Variants in EPHA6 observed in about 807,000 individuals in gnomAD.
The protein encoded by EPHA6 is ephrin type-A receptor 6.
Under a neutral mutation model 112.0 loss-of-function variants are expected in EPHA6, and 50 were observed. The ratio of observed to expected loss-of-function variants is 0.45; its 90% CI spans 0.36 to 0.56. EPHA6 has a LOEUF of 0.56. Among genes scored for constraint, EPHA6 ranks in the 20% least tolerant of loss-of-function variants. EPHA6 has a pLI of 0.00. For missense variants in EPHA6, 1,280 were observed against 1,417.4 expected (o/e 0.90, Z 1.56); for synonymous variants, 529 against 490.7 (o/e 1.08, Z -1.03).
intron 3 of EPHA6, among the ~76,000 whole-genome samples, chr3:97,160,897 C>A (rs766327854): frequency 4.6e-5 from 7 of 152,090 alleles, no homozygotes; most frequent in African/African-American, 9.7e-5. Context: ...ACAGGACCAT[C>A]TATAAATCAG....
chr3:96,870,572 T>C (rs1369879449), intron 2 of EPHA6, among the ~76,000 whole-genome samples: 9 of 152,118 alleles, frequency 5.9e-5, no homozygotes, highest in Non-Finnish European at 1.0e-4. Context: ...TATCTGGAAA[T>C]AATGTTTTAG....
chr3:97,267,836 G>C (rs185792327), intron 5 of EPHA6, among the ~76,000 whole-genome samples: 1 of 152,170 alleles, frequency 6.6e-6, no homozygotes, highest in Admixed American at 6.5e-5. Context: ...CTGAGCAGTA[G>C]ACATTTCCAC....
At chr3:97,326,940 A>G (rs2082458048) in intron 5 of EPHA6, among the ~76,000 whole-genome samples, 1 of 152,078 alleles carries the variant, frequency 6.6e-6, no homozygotes, top group African/African-American at 2.4e-5. Context: ...TATGAATTCC[A>G]AAAGGAGCTT....
chr3:97,244,028 T>C lies in EPHA6; in HGVS notation c.1347T>C (p.Ser449=). The change falls in exon 5 of 18, where the codon AGT becomes AGC. Residue 449 remains serine, a synonymous_variant. Coordinates refer to ENST00000389672, the MANE Select transcript of EPHA6 (RefSeq NM_001080448.3). Reference sequence around the variant, plus strand: ...TTATTTTGGAATGGAGCCCACCAAGTGACACAGGAGGGAGAAAAGATCTCA... The same window carrying C: ...TTATTTTGGAATGGAGCCCACCAAGCGACACAGGAGGGAGAAAAGATCTCA... The part of the protein sequence containing the change: ...TALILEWSPP[S]DTGGRKDLTY... The C allele has an allele frequency of 6.2e-7, 1 of 1,612,552 alleles. No homozygotes were observed. The highest frequency in any genetic ancestry group is 1.3e-5 in the African/African-American group (1 of 74,928).
intron 5 of EPHA6, among the ~76,000 whole-genome samples, chr3:97,359,572 TTTTG>T (rs1345443605): frequency 1.3e-5 from 2 of 152,088 alleles, no homozygotes; most frequent in African/African-American, 2.4e-5. Flanking sequence ...CAGGGACAGT[TTTTG>T]TTGTTGTTTT....
intron 3 of EPHA6, among the ~76,000 whole-genome samples, chr3:97,110,006 G>T (rs1040037675): frequency 6.6e-6 from 1 of 152,032 alleles, no homozygotes; most frequent in Non-Finnish European, 1.5e-5. Flanking sequence ...AAATGAGAAT[G>T]AAAAGAGGTA....
chr3:96,884,694 C>T (rs2037520798), intron 2 of EPHA6, among the ~76,000 whole-genome samples: 1 of 152,136 alleles, frequency 6.6e-6, no homozygotes, highest in African/African-American at 2.4e-5. Context: ...TTCTTCTTTA[C>T]CGATTTGGAT....
At chr3:97,526,024 A>C (rs2092614795) in intron 10 of EPHA6, among the ~76,000 whole-genome samples, 1 of 152,276 alleles carries the variant, frequency 6.6e-6, no homozygotes, top group South Asian at 2.1e-4. Flanking sequence ...CTGAGACATA[A>C]GATTGTTTCA....
chr3:97,636,644 A>G (rs1310971903), intron 13 of EPHA6, among the ~76,000 whole-genome samples: 1 of 152,140 alleles, frequency 6.6e-6, no homozygotes, highest in East Asian at 1.9e-4. Context: ...TACCTGAACA[A>G]TGAATCATCA....
At chr3:97,434,388 T>TTAAC (rs2089696852) in intron 6 of EPHA6, among the ~76,000 whole-genome samples, 1 of 152,150 alleles carries the variant, frequency 6.6e-6, no homozygotes, top group African/African-American at 2.4e-5. Context: ...TAAAAAAAAG[T>TTAAC]TAACTGCAGT....
chr3:97,392,689 G>A (rs1468571065), intron 5 of EPHA6, among the ~76,000 whole-genome samples: 1 of 151,564 alleles, frequency 6.6e-6, no homozygotes, highest in African/African-American at 2.4e-5. Context: ...ATATTTTAAA[G>A]ATTTATATCT....
intron 4 of EPHA6, among the ~76,000 whole-genome samples, chr3:97,239,757 G>A (rs1031636968): frequency 6.6e-6 from 1 of 151,674 alleles, no homozygotes; most frequent in East Asian, 1.9e-4. Context: ...GGTGAAAGGG[G>A]AGGCAGGAGA....
At chr3:97,725,625 T>C (rs955911476) in intron 15 of EPHA6, among the ~76,000 whole-genome samples, 1 of 152,130 alleles carries the variant, frequency 6.6e-6, no homozygotes, top group African/African-American at 2.4e-5. Context: ...CAGTCGGGCT[T>C]TAGAACAAGA....
intron 7 of EPHA6, among the ~76,000 whole-genome samples, chr3:97,449,728 G>C (rs1275374006): frequency 1.3e-5 from 2 of 152,050 alleles, no homozygotes; most frequent in Non-Finnish European, 2.9e-5. Context: ...TGAAATGGAA[G>C]CGTGTTTTAT....
intron 14 of EPHA6, among the ~76,000 whole-genome samples, chr3:97,656,750 C>G (rs1027523217): frequency 1.3e-5 from 2 of 151,888 alleles, no homozygotes; most frequent in African/African-American, 4.8e-5. Context: ...TCCTCAAACT[C>G]TCCCTTGGGC....
At chr3:97,196,074 C>G (rs542837258) in intron 3 of EPHA6, among the ~76,000 whole-genome samples, 5 of 151,320 alleles carry the variant, frequency 3.3e-5, no homozygotes, top group Non-Finnish European at 5.9e-5. Context: ...ACTTTCTACC[C>G]AGATCTCTCT....
At chr3:97,304,368 A>G (rs1348917812) in intron 5 of EPHA6, among the ~76,000 whole-genome samples, 1 of 151,898 alleles carries the variant, frequency 6.6e-6, no homozygotes, top group South Asian at 2.1e-4. Context: ...ATTACCATTG[A>G]TGTTCTTCAC....
At chr3:97,580,857 C>T (rs2093430939) in intron 11 of EPHA6, among the ~76,000 whole-genome samples, 1 of 152,166 alleles carries the variant, frequency 6.6e-6, no homozygotes, top group Admixed American at 6.6e-5. Context: ...CTGTATAATG[C>T]CTGCCTCTTT....
chr3:97,755,549 G>A lies in EPHA6; in HGVS notation c.*6848G>A, dbSNP rs1292029643. Among the ~76,000 whole-genome samples, 1 of 152,146 alleles carries A rather than the reference G, an allele frequency of 6.6e-6. No individual in the cohort carries two copies. Among genetic ancestry groups the A allele is most frequent in the Non-Finnish European group, 1.5e-5 (1 of 67,986 alleles). ...CTAATTCAGGATTCCTATTTAGTTA[G>A]TAACAGGGTCTCCATCTCATTATCC... On this transcript the variant is annotated 3_prime_UTR_variant, in exon 18 of 18. Transcript: ENST00000389672.
Sources: allele counts gnomAD v4.1 joint callset (sites outside exome capture counted in the v4.1 genomes callset), GRCh38; gene constraint gnomAD v4.1.1; transcripts MANE v1.5; gene names NCBI Gene and HGNC (gene_info 2026-07-23, HGNC 2026-07-21).